The following MYH11 variants were observed in gnomAD, a reference collection of about 807,000 sequenced individuals.
MYH11 encodes myosin heavy chain 11, also known as myosin-11.
In MYH11, 80 loss-of-function variants were observed where a neutral mutation model predicts 246.6. The observed-to-expected ratio is 0.32, with a 90% CI of 0.27 to 0.39. The LOEUF (loss-of-function observed/expected upper bound fraction) is 0.39. Among genes scored for constraint, MYH11 ranks in the 10% least tolerant of loss-of-function variants. MYH11 has a pLI of 1.00. For synonymous variants in MYH11, 1,071 were observed against 1,015.5 expected (o/e 1.05, Z -1.04); for missense variants, 2,158 against 2,546.8 (o/e 0.85, Z 3.29).
rs2041844147 is a variant in MYH11, at chr16:15,760,521, G to C, written c.1248+19C>G. On this transcript the variant is annotated intron_variant, in intron 11 of 40. Coordinates refer to ENST00000300036, the MANE Select transcript of MYH11 (RefSeq NM_002474.3). ...GATGGGTGGGTGCATGGATGGATAA[G>C]TGATAAGTACATCATTACCTGTTCT... The C allele has an allele frequency of 6.5e-7, 1 of 1,549,250 alleles. No individual in the cohort carries two copies. The highest frequency in any genetic ancestry group is 8.9e-7 in the Non-Finnish European group (1 of 1,121,098).
Position 15,798,620 on chromosome 16 carries a change from A to C in MYH11, c.530+40T>G, listed in dbSNP as rs376544943. The C allele has an allele frequency of 4.9e-5, 70 of 1,422,288 alleles. 2 individuals are homozygous for C. The highest frequency in any genetic ancestry group is 1.0e-4 in the Admixed American group (5 of 48,694). The allele number at this position is 1,422,288 out of a possible 1,614,324, so 88.1% of individuals were successfully genotyped here. A position where few individuals can be genotyped will look rare whatever the true frequency, so the allele number is the denominator to read the frequency against. ...CTCGACTACAGATTAAAAAAAAAAAAAAACAAAAAAAAAACAGAAGAAAAA... is the reference window on the plus strand; with the variant it reads ...CTCGACTACAGATTAAAAAAAAAAACAAACAAAAAAAAAACAGAAGAAAAA... On this transcript the variant is annotated intron_variant, in intron 4 of 40. Transcript: ENST00000300036.
intron 6 of MYH11, among the ~76,000 whole-genome samples, chr16:15,781,897 G>A (rs972679869): frequency 6.6e-6 from 1 of 152,198 alleles, no homozygotes; most frequent in African/African-American, 2.4e-5. Flanking sequence ...GCCTACCAGA[G>A]TAATTGTACA....
chr16:15,839,531 T>A (rs1304310423), intron 1 of MYH11, among the ~76,000 whole-genome samples: 2 of 151,616 alleles, frequency 1.3e-5, no homozygotes, highest in African/African-American at 4.8e-5. Flanking sequence ...CTGTCTCTAC[T>A]AAAAATACAA....
chr16:15,773,667 A>G (rs1299631064), intron 8 of MYH11, among the ~76,000 whole-genome samples: 1 of 152,096 alleles, frequency 6.6e-6, no homozygotes, highest in Non-Finnish European at 1.5e-5. Context: ...GTTTTTGTAA[A>G]TAAAGTTTTA....
chr16:15,775,955 C>G (rs1270173158), intron 8 of MYH11, 123 bp downstream of exon 8: 10 of 801,714 alleles, frequency 1.2e-5, no homozygotes, highest in Non-Finnish European at 2.3e-5. Flanking sequence ...TCATATGTCA[C>G]TCACAGACAT....
chr16:15,812,327 A>C (rs560861941), intron 3 of MYH11, among the ~76,000 whole-genome samples: 2 of 152,142 alleles, frequency 1.3e-5, no homozygotes, highest in Admixed American at 6.5e-5. Context: ...CCTTGTAAGC[A>C]TATGCTGAGG....
chr16:15,800,498 GGATGGTTGGA>G (rs2042857519), intron 3 of MYH11, among the ~76,000 whole-genome samples: 1 of 148,950 alleles, frequency 6.7e-6, no homozygotes, highest in African/African-American at 2.6e-5. Flanking sequence ...CTGGTTGGAC[GGATGGTTGGA>G]CGGAGGAGGG....
chr16:15,779,476 C>G (rs937194029), intron 6 of MYH11: 1 of 162,632 alleles, frequency 6.1e-6, no homozygotes, highest in Admixed American at 5.7e-5. Context: ...AAAACTAAGG[C>G]TAAAAGAGAT....
At chr16:15,798,792 T>C in intron 3 of MYH11, 105 bp from the exon 4 acceptor site, 2 of 1,221,766 alleles carry the variant, frequency 1.6e-6, no homozygotes, top group South Asian at 2.6e-5. Context: ...AGCTTCTCCA[T>C]GCTGGCCTCA....
chr16:15,721,846 T>G (rs1307896109), intron 31 of MYH11, among the ~76,000 whole-genome samples: 2 of 152,114 alleles, frequency 1.3e-5, no homozygotes, highest in Non-Finnish European at 2.9e-5. Context: ...TGACTTGTTT[T>G]TTTTTGTTGG....
rs1425013438 is a variant in MYH11, at chr16:15,717,157, C to T, written c.5487G>A (p.Gln1829=). 1 of 1,614,220 alleles carries T rather than the reference C, an allele frequency of 6.2e-7. No individual in the cohort carries two copies. Among genetic ancestry groups the T allele is most frequent in the Non-Finnish European group, 8.5e-7 (1 of 1,180,042 alleles). Reference sequence around the variant, plus strand: ...CCGCATACCTGGCCTCCTGCTCGACCTGCTCCTCCAGCTGTGCAATCTTGG... The same window carrying T: ...CCGCATACCTGGCCTCCTGCTCGACTTGCTCCTCCAGCTGTGCAATCTTGG... The part of the protein sequence containing the change: ...LEAKIAQLEE[Q]VEQEAREKQA... Residue 1829 remains glutamine (Q), a synonymous_variant, in exon 38 of 41, where the codon CAG becomes CAA. Transcript: ENST00000300036.
chr16:15,772,236 C>A (rs1208321532), intron 8 of MYH11, among the ~76,000 whole-genome samples: 2 of 151,542 alleles, frequency 1.3e-5, no homozygotes, highest in African/African-American at 4.8e-5. Context: ...GGATTACAGG[C>A]GCCCGCCACC....
At chr16:15,831,836 G>C (rs1439979895) in intron 2 of MYH11, among the ~76,000 whole-genome samples, 1 of 152,134 alleles carries the variant, frequency 6.6e-6, no homozygotes, top group Non-Finnish European at 1.5e-5. Flanking sequence ...CTACTGGGAG[G>C]CTGAGGCACA....
rs1407647167 is a variant in MYH11, at chr16:15,823,430, G to C, written c.346-19C>G. 1 of 1,614,182 alleles carries C rather than the reference G, an allele frequency of 6.2e-7. No homozygotes were observed. ...AGTACGTCTGCAGACAGAGAACCCAGCTTACTTCCAGACCTCCTCCAGGGT... is the reference window on the plus strand; with the variant it reads ...AGTACGTCTGCAGACAGAGAACCCACCTTACTTCCAGACCTCCTCCAGGGT... On this transcript the variant is annotated intron_variant, in intron 2 of 40. Transcript: ENST00000300036.
In MYH11 at chr16:15,724,763, C is replaced by G. The variant is rs139377348; in HGVS notation, c.4000G>C (p.Val1334Leu). Reference sequence around the variant, plus strand: ...TCCAGCTGGCGCAGCTTCGTAGACACGTTGAGCTTCTGCCGGGTTTCTTCT... The same window carrying G: ...TCCAGCTGGCGCAGCTTCGTAGACAGGTTGAGCTTCTGCCGGGTTTCTTCT... ...LQEETRQKLNVSTKLRQLEEE... is the reference protein window; with the variant it reads ...LQEETRQKLNLSTKLRQLEEE... The change falls in exon 30 of 41, where the codon GTG (valine) becomes CTG (leucine). Residue 1334 changes from valine (V) to leucine (L), a missense_variant. Around this residue, in one of 11 missense-constraint regions of MYH11, gnomAD observed 1,013 missense variants for 993.5 expected, o/e 1.02. Coordinates refer to ENST00000300036, the MANE Select transcript of MYH11 (RefSeq NM_002474.3). The G allele has an allele frequency of 1.1e-5, 17 of 1,614,006 alleles. No individual in the cohort carries two copies. Among genetic ancestry groups the G allele is most frequent in the Non-Finnish European group, 1.4e-5 (16 of 1,180,032 alleles).
chr16:15,827,493 G>A (rs553441819), intron 2 of MYH11, among the ~76,000 whole-genome samples: 2 of 152,130 alleles, frequency 1.3e-5, no homozygotes, highest in East Asian at 3.9e-4. Context: ...AGAGGTAAGC[G>A]GGGCCCAGGA....
At chr16:15,801,536 C>T (rs1035765577) in intron 3 of MYH11, among the ~76,000 whole-genome samples, 14 of 151,566 alleles carry the variant, frequency 9.2e-5, no homozygotes, top group Non-Finnish European at 2.1e-4. Flanking sequence ...ATAGACATAC[C>T]CCTTGTCCCA....
chr16:15,741,427 T>G (rs777736224), intron 22 of MYH11, 36 bp downstream of exon 22: 4 of 1,601,032 alleles, frequency 2.5e-6, no homozygotes, highest in Non-Finnish European at 3.4e-6. Context: ...TCAAGTGATT[T>G]GCTACCCACC....
In MYH11 at chr16:15,725,084, C is replaced by T. The variant is rs2040684532; in HGVS notation, c.3859-92G>A. 8.1e-6 allele frequency: 8 copies of T among 991,554 alleles called. No homozygotes were observed. The South Asian group carries it at 9.4e-5, about 12-fold the overall frequency. The allele number at this position is 991,554 out of a possible 1,614,324, so 61.4% of individuals were successfully genotyped here. A position where few individuals can be genotyped will look rare whatever the true frequency, so the allele number is the denominator to read the frequency against. The stretch of plus-strand genomic sequence containing the variant: ...TTTACTCAAAACACATGGGCTAGTA[C>T]TTGAGGTGTTCACTGATTGAGAAAA... On this transcript the variant is annotated intron_variant, in intron 28 of 40. Transcript: ENST00000300036.
Sources: gnomAD v4.1 joint callset for allele counts (sites outside exome capture counted in the v4.1 genomes callset) on GRCh38, gnomAD v4.1.1 for gene constraint, gnomAD v4.1.1 regional missense constraint, MANE v1.5 for transcripts, NCBI Gene and HGNC (gene_info 2026-07-23, HGNC 2026-07-21) for gene names.